RALYL: variants seen among roughly 807,000 people sequenced by gnomAD.
RALYL encodes RNA-binding Raly-like protein.
RALYL carries 29 observed loss-of-function variants against 35.1 expected under a neutral mutation model. That is an observed-to-expected ratio of 0.83 (90% CI 0.61 to 1.13). The LOEUF (loss-of-function observed/expected upper bound fraction) is 1.13. Among genes scored for constraint, RALYL ranks in the 50% most tolerant of loss-of-function variants. The probability of loss-of-function intolerance (pLI) is 0.00; values close to 1 mark genes in which losing one functional copy is unlikely to be tolerated. For missense variants in RALYL, 359 were observed against 360.4 expected (o/e 1.00, Z 0.03); for synonymous variants, 120 against 127.6 (o/e 0.94, Z 0.40).
intron 2 of RALYL, among the ~76,000 whole-genome samples, chr8:84,573,166 A>T (rs1052542343): frequency 1.1e-4 from 16 of 151,310 alleles, no homozygotes; most frequent in African/African-American, 1.9e-4. Flanking sequence ...AATTTAAAAA[A>T]TTTTTTATTC....
intron 2 of RALYL, among the ~76,000 whole-genome samples, chr8:84,610,009 C>T (rs1179608705): frequency 6.6e-6 from 1 of 151,992 alleles, no homozygotes; most frequent in African/African-American, 2.4e-5. Context: ...ACGAAAGACC[C>T]GCCCCCATAA....
chr8:84,794,861 A>T (rs1418282591), intron 3 of RALYL, among the ~76,000 whole-genome samples: 1 of 152,202 alleles, frequency 6.6e-6, no homozygotes. Flanking sequence ...TTATGAAAGA[A>T]CATTACAGTC....
intron 2 of RALYL, among the ~76,000 whole-genome samples, chr8:84,585,740 C>G (rs1330481606): frequency 1.3e-5 from 2 of 152,124 alleles, no homozygotes; most frequent in Admixed American, 6.6e-5. Flanking sequence ...GTGCTGAGCA[C>G]TCTGCTACAT....
intron 1 of RALYL, among the ~76,000 whole-genome samples, chr8:84,274,020 C>A (rs957799789): frequency 6.6e-6 from 1 of 152,046 alleles, no homozygotes; most frequent in Middle Eastern, 3.2e-3. Context: ...AAACTCATAC[C>A]CACTTTTAAA....
intron 2 of RALYL, among the ~76,000 whole-genome samples, chr8:84,661,496 C>G (rs553838250): frequency 6.6e-6 from 1 of 150,982 alleles, no homozygotes; most frequent in East Asian, 1.9e-4. Flanking sequence ...TATCTCCATT[C>G]TTTTTGATTG....
intron 1 of RALYL, among the ~76,000 whole-genome samples, chr8:84,276,855 T>A (rs1835483539): frequency 6.6e-6 from 1 of 152,244 alleles, no homozygotes; most frequent in Non-Finnish European, 1.5e-5. Flanking sequence ...AGTTTAGACT[T>A]TTCAATGAAA....
chr8:84,701,614 C>A (rs1209038616), intron 2 of RALYL, among the ~76,000 whole-genome samples: 1 of 152,042 alleles, frequency 6.6e-6, no homozygotes, highest in African/African-American at 2.4e-5. Flanking sequence ...GTTAGGGTTT[C>A]ATTTGGAGGA....
intron 1 of RALYL, among the ~76,000 whole-genome samples, chr8:84,417,647 C>T (rs1200598987): frequency 2.0e-5 from 3 of 151,730 alleles, no homozygotes; most frequent in Non-Finnish European, 1.5e-5. Flanking sequence ...AAATAACTGT[C>T]TTCAGATATC....
At chr8:84,383,983 A>C (rs1314796756) in intron 1 of RALYL, among the ~76,000 whole-genome samples, 1 of 151,756 alleles carries the variant, frequency 6.6e-6, no homozygotes, top group Non-Finnish European at 1.5e-5. Flanking sequence ...TGTTATGCAA[A>C]ATAATTTCCA....
At chr8:84,724,114 G>T (rs1844504463) in intron 2 of RALYL, among the ~76,000 whole-genome samples, 1 of 151,738 alleles carries the variant, frequency 6.6e-6, no homozygotes, top group Admixed American at 6.6e-5. Flanking sequence ...CTTATATTCA[G>T]TAATGAAACA....
chr8:84,758,407 A>G (rs1314980086), intron 2 of RALYL, among the ~76,000 whole-genome samples: 1 of 152,226 alleles, frequency 6.6e-6, no homozygotes, highest in Admixed American at 6.5e-5. Flanking sequence ...ATAGCCCAAA[A>G]CAACAAACAT....
At chr8:84,674,796 G>A (rs908939443) in intron 2 of RALYL, among the ~76,000 whole-genome samples, 59 of 151,956 alleles carry the variant, frequency 3.9e-4, no homozygotes, top group Admixed American at 2.6e-3. Flanking sequence ...TTGCTTACTA[G>A]GTTATTACGC....
chr8:84,455,180 G>A (rs929067377), intron 1 of RALYL, among the ~76,000 whole-genome samples: 14 of 151,944 alleles, frequency 9.2e-5, no homozygotes, highest in Admixed American at 6.6e-4. Flanking sequence ...GGTCTCCTTT[G>A]ATTGTTCAGC....
chr8:84,858,785 G>C (rs7003217), intron 5 of RALYL, among the ~76,000 whole-genome samples: 74,948 of 151,950 alleles, frequency 0.49, 19,719 homozygotes, highest in African/African-American at 0.66. Context: ...TCTTGCAATC[G>C]CAGAAAGCCT....
chr8:84,452,149 A>C (rs1028071596), intron 1 of RALYL, among the ~76,000 whole-genome samples: 3 of 151,816 alleles, frequency 2.0e-5, no homozygotes, highest in Admixed American at 6.6e-5. Flanking sequence ...TCTTACCCGT[A>C]AGGCAGTCTG....
intron 1 of RALYL, among the ~76,000 whole-genome samples, chr8:84,314,286 G>A (rs1240428342): frequency 6.6e-6 from 1 of 151,890 alleles, no homozygotes; most frequent in Non-Finnish European, 1.5e-5. Context: ...GATTTGGGTG[G>A]AGATACAGAG....
chr8:84,809,050 G>T (rs1229559476), intron 4 of RALYL, among the ~76,000 whole-genome samples: 3 of 152,112 alleles, frequency 2.0e-5, no homozygotes, highest in Non-Finnish European at 4.4e-5. Context: ...ATGTGAAGAG[G>T]AGTGGTGAGA....
intron 1 of RALYL, among the ~76,000 whole-genome samples, chr8:84,399,222 T>G (rs2042648308): frequency 6.6e-6 from 1 of 152,232 alleles, no homozygotes; most frequent in African/African-American, 2.4e-5. Context: ...AATTGCTATA[T>G]GATAGAACAT....
chr8:84,483,470 T>C (rs2054267119), intron 1 of RALYL, among the ~76,000 whole-genome samples: 1 of 152,146 alleles, frequency 6.6e-6, no homozygotes, highest in Non-Finnish European at 1.5e-5. Context: ...ATGACTTTCA[T>C]AGGATGGTGA....
Sources: gnomAD v4.1 joint callset for allele counts (sites outside exome capture counted in the v4.1 genomes callset) on GRCh38, gnomAD v4.1.1 for gene constraint, MANE v1.5 for transcripts, NCBI Gene and HGNC (gene_info 2026-07-23, HGNC 2026-07-21) for gene names.